Variants in CYFIP2 observed in about 807,000 individuals in gnomAD.
CYFIP2 encodes cytoplasmic FMR1-interacting protein 2.
CYFIP2 carries 29 observed loss-of-function variants against 158.7 expected under a neutral mutation model. The observed-to-expected ratio is 0.18, with a 90% CI of 0.14 to 0.25. The LOEUF is 0.25. Ranked by LOEUF, CYFIP2 falls within the 10% of genes least tolerant of loss-of-function variation. CYFIP2 has a pLI of 1.00. For synonymous variants in CYFIP2, 585 were observed against 617.6 expected, an observed-to-expected ratio of 0.95 and a Z score of 0.78; for missense variants, 852 against 1,639.5, an observed-to-expected ratio of 0.52 and a Z score of 8.29.
intron 3 of CYFIP2, chr5:157,288,721 TA>T (rs1757592956): frequency 1.6e-5 from 7 of 438,550 alleles, no homozygotes; most frequent in South Asian, 1.1e-4. Context: ...AAAAATTGCA[TA>T]ACTTACTCAG....
intron 1 of CYFIP2, 40 bp from the exon 2 acceptor site, chr5:157,285,299 C>A: frequency 2.2e-6 from 3 of 1,375,026 alleles, no homozygotes; most frequent in East Asian, 2.5e-5. Context: ...TTTTAGAGGC[C>A]CCTGAAATTC....
intron 19 of CYFIP2, among the ~76,000 whole-genome samples, chr5:157,330,458 A>C (rs2113171834): frequency 6.6e-6 from 1 of 152,302 alleles, no homozygotes; most frequent in East Asian, 1.9e-4. Context: ...CCTGGGATAC[A>C]CCAAGCAGGC....
Position 157,339,272 on chromosome 5 carries a change from T to A in CYFIP2, c.2585+16T>A. ...CCACTAACCGGTAAGGGAGTCCCTG[T>A]GCAGAGGGGGCCGGGTGGGGGTTGG... On this transcript the variant is annotated intron_variant, in intron 22 of 30. Coordinates refer to ENST00000620254, the MANE Select transcript of CYFIP2 (RefSeq NM_001037333.3). The A allele has an allele frequency of 6.2e-7, 1 of 1,602,224 alleles. No homozygotes were observed. Among genetic ancestry groups the A allele is most frequent in the Non-Finnish European group, 8.5e-7 (1 of 1,170,650 alleles).
intron 23 of CYFIP2, chr5:157,342,856 C>T: frequency 6.2e-7 from 1 of 1,606,340 alleles, no homozygotes; most frequent in Non-Finnish European, 8.5e-7. Context: ...GCTCTCCTCC[C>T]CACTCTCATT....
Position 157,302,830 on chromosome 5 carries a change from G to C in CYFIP2, c.606G>C (p.Gln202His). Residue 202 changes from glutamine (Q) to histidine (H), a missense_variant, in exon 7 of 31, where the codon CAG becomes CAC. Around this residue, in one of 8 missense-constraint regions of CYFIP2, gnomAD observed 123 missense variants for 316.7 expected, o/e 0.39. Transcript: ENST00000620254. The stretch of plus-strand genomic sequence containing the variant: ...TCCTGCGGAAGATGGCAGATCCCCA[G>C]TCTATCCAGGAGTCGCAGAACCTTT... ...AQFLRKMADP[Q>H]SIQESQNLSM... The C allele has an allele frequency of 6.3e-7, 1 of 1,587,342 alleles. No individual in the cohort carries two copies. The highest frequency in any genetic ancestry group is 8.6e-7 in the Non-Finnish European group (1 of 1,166,450).
intron 23 of CYFIP2, among the ~76,000 whole-genome samples, chr5:157,350,247 T>C (rs1581120832): frequency 1.3e-5 from 2 of 152,246 alleles, no homozygotes; most frequent in African/African-American, 2.4e-5. Flanking sequence ...AAAATTTTTA[T>C]GGTTTCAGGT....
intron 1 of CYFIP2, among the ~76,000 whole-genome samples, chr5:157,280,814 T>C (rs778246616): frequency 3.9e-5 from 6 of 152,162 alleles, no homozygotes; most frequent in Non-Finnish European, 5.9e-5. Flanking sequence ...TTTTAGTAGA[T>C]CTTTCTGGAA....
intron 20 of CYFIP2, among the ~76,000 whole-genome samples, chr5:157,332,086 G>A (rs1339534493): frequency 1.3e-5 from 2 of 152,228 alleles, no homozygotes; most frequent in Non-Finnish European, 2.9e-5. Flanking sequence ...ACTGAATTGA[G>A]TGCAAGAAAG....
At chr5:157,300,623 A>C (rs1247529662) in intron 5 of CYFIP2, 92 bp from the exon 6 acceptor site, 3 of 1,169,782 alleles carry the variant, frequency 2.6e-6, no homozygotes, top group Admixed American at 3.9e-5. Flanking sequence ...CTTTCTCGAG[A>C]GGGCTGGCTC....
intron 15 of CYFIP2, among the ~76,000 whole-genome samples, chr5:157,321,182 G>T (rs1760562507): frequency 6.6e-6 from 1 of 152,210 alleles, no homozygotes; most frequent in Non-Finnish European, 1.5e-5. Flanking sequence ...CTATCTGCAT[G>T]CATCTATGCT....
intron 11 of CYFIP2, among the ~76,000 whole-genome samples, chr5:157,312,050 G>A (rs1759768533): frequency 6.6e-6 from 1 of 152,174 alleles, no homozygotes; most frequent in South Asian, 2.1e-4. Flanking sequence ...TATCCTGAAA[G>A]GTTCATTGAG....
chr5:157,267,256 C>T (rs1755682087), intron 1 of CYFIP2, among the ~76,000 whole-genome samples: 3 of 152,230 alleles, frequency 2.0e-5, no homozygotes, highest in Admixed American at 1.3e-4. Flanking sequence ...TCCTGGGTGC[C>T]TGTGCCCTCA....
Position 157,342,888 on chromosome 5 carries a change from C to T in CYFIP2, c.2673+1731C>T, listed in dbSNP as rs757500549. ...CATTCCCCACAATGAGGCAGTATAG[C>T]GGGTGGGTCACCACCCCCCCTCTGT... On this transcript the variant is annotated intron_variant, in intron 23 of 30. Coordinates refer to ENST00000620254, the MANE Select transcript of CYFIP2 (RefSeq NM_001037333.3). 181 of 1,613,264 alleles carry T rather than the reference C, an allele frequency of 1.1e-4. No homozygotes were observed. Among genetic ancestry groups the T allele is most frequent in the Non-Finnish European group, 9.0e-5 (106 of 1,179,662 alleles).
chr5:157,367,323 C>A (rs1044822875), intron 26 of CYFIP2, among the ~76,000 whole-genome samples: 7 of 152,132 alleles, frequency 4.6e-5, no homozygotes, highest in Non-Finnish European at 1.0e-4. Flanking sequence ...TTGTGGCAAC[C>A]AATAATGTCT....
chr5:157,383,249 G>A lies in CYFIP2; in HGVS notation c.3113-16G>A. ...TTCCCTGAGTCTCATTTTCTGCTCT[G>A]CGACTCCTTTTGCAGAGGGGGAGCG... On this transcript the variant is annotated splice_polypyrimidine_tract_variant and intron_variant, in intron 27 of 30. Coordinates refer to ENST00000620254, the MANE Select transcript of CYFIP2 (RefSeq NM_001037333.3). 6.2e-7 allele frequency: 1 copy of A among 1,612,662 alleles called. No homozygotes were observed. Among genetic ancestry groups the A allele is most frequent in the Non-Finnish European group, 8.5e-7 (1 of 1,179,244 alleles).
chr5:157,296,897 C>G, intron 5 of CYFIP2, 123 bp downstream of exon 5: 1 of 725,624 alleles, frequency 1.4e-6, no homozygotes, highest in Non-Finnish European at 2.3e-6. Context: ...TTGACTGTGC[C>G]CTACACATCC....
At chr5:157,305,758 G>A (rs1044271773) in intron 8 of CYFIP2, among the ~76,000 whole-genome samples, 3 of 152,212 alleles carry the variant, frequency 2.0e-5, no homozygotes, top group African/African-American at 7.2e-5. Context: ...CAAGCAATCT[G>A]CCCGCCTCGG....
intron 8 of CYFIP2, among the ~76,000 whole-genome samples, chr5:157,306,573 A>G (rs1038444387): frequency 6.6e-5 from 10 of 152,192 alleles, no homozygotes; most frequent in African/African-American, 2.4e-4. Flanking sequence ...GCAGAAAACG[A>G]TGAAGTTCAT....
intron 13 of CYFIP2, among the ~76,000 whole-genome samples, chr5:157,316,054 C>T (rs569021097): frequency 7.2e-5 from 11 of 152,150 alleles, no homozygotes; most frequent in Non-Finnish European, 1.5e-4. Flanking sequence ...TGTGCCACTG[C>T]ACTCCAGCCT....
Sources: gnomAD v4.1 joint callset for allele counts (sites outside exome capture counted in the v4.1 genomes callset) on GRCh38, gnomAD v4.1.1 for gene constraint, gnomAD v4.1.1 regional missense constraint, MANE v1.5 for transcripts, NCBI Gene and HGNC (gene_info 2026-07-23, HGNC 2026-07-21) for gene names.